The following TMEM117 variants were observed in gnomAD, a reference collection of about 807,000 sequenced individuals.
TMEM117 encodes transmembrane protein 117.
Under a neutral mutation model 52.4 loss-of-function variants are expected in TMEM117, and 27 were observed. The observed-to-expected ratio is 0.51, with a 90% CI of 0.38 to 0.71. The LOEUF is 0.71. Among genes scored for constraint, TMEM117 ranks in the 30% least tolerant of loss-of-function variants. The pLI is 0.00. For missense variants in TMEM117, 556 were observed against 630.5 expected, an observed-to-expected ratio of 0.88 and a Z score of 1.26; for synonymous variants, 215 against 206.3, an observed-to-expected ratio of 1.04 and a Z score of -0.36.
intron 3 of TMEM117, among the ~76,000 whole-genome samples, chr12:43,983,075 A>G (rs974006604): frequency 2.0e-5 from 3 of 152,224 alleles, no homozygotes; most frequent in Admixed American, 2.0e-4. Context: ...TCTGTGGGCC[A>G]GCAATTCAGG....
chr12:44,296,510 G>T (rs145545174), intron 5 of TMEM117, among the ~76,000 whole-genome samples: 73 of 152,286 alleles, frequency 4.8e-4, no homozygotes, highest in Non-Finnish European at 9.3e-4. Context: ...TTCAGCCTGA[G>T]GCCTATTTCT....
At chr12:43,865,100 G>A (rs907069520) in intron 2 of TMEM117, among the ~76,000 whole-genome samples, 2 of 152,106 alleles carry the variant, frequency 1.3e-5, no homozygotes, top group East Asian at 1.9e-4. Context: ...AAACAACTCC[G>A]GACCCGCTGC....
At chr12:43,905,249 G>A (rs1322861860) in intron 2 of TMEM117, among the ~76,000 whole-genome samples, 1 of 152,182 alleles carries the variant, frequency 6.6e-6, no homozygotes, top group African/African-American at 2.4e-5. Context: ...CTTAGAAAGG[G>A]CAGCTGCAGT....
rs941108802 is a variant in TMEM117 at position 44,363,211 on chromosome 12, C to T, written c.769-13384C>T. 3.9e-5 allele frequency among the ~76,000 whole-genome samples: 6 copies of T among 152,240 alleles called. No homozygotes were observed. In the East Asian group the frequency reaches 9.7e-4, roughly 25 times the overall value. On this transcript the variant is annotated intron_variant, in intron 6 of 7. Coordinates refer to ENST00000266534, the MANE Select transcript of TMEM117 (RefSeq NM_032256.3). ...GGTAAGGCAGGTGCCTTCTGTGAGC[C>T]ACAGTGTCTCCAATTGCAAAATGAG... is the stretch of plus-strand genomic sequence containing the variant.
downstream of TMEM117, among the ~76,000 whole-genome samples, chr12:44,394,252 G>A (rs1223151179): frequency 6.6e-6 from 1 of 152,190 alleles, no homozygotes; most frequent in African/African-American, 2.4e-5. Flanking sequence ...TCTTCACAGG[G>A]TTTCGAAGAG....
intron 3 of TMEM117, among the ~76,000 whole-genome samples, chr12:44,080,173 A>T (rs1246432946): frequency 6.6e-6 from 1 of 152,188 alleles, no homozygotes; most frequent in Non-Finnish European, 1.5e-5. Context: ...TCACACTGCT[A>T]ATAAAGACAT....
At chr12:43,841,624 A>G (rs10880574) in intron 1 of TMEM117, among the ~76,000 whole-genome samples, 8,533 of 152,278 alleles carry the variant, frequency 0.056, 276 homozygotes, top group South Asian at 0.073. Flanking sequence ...ACAACAAGAA[A>G]ATAAGTATGT....
At position 44,250,673 on chromosome 12, in the gene TMEM117, A is replaced by G. The variant is rs553162099; in HGVS notation, c.608+39286A>G. On this transcript the variant is annotated intron_variant, in intron 5 of 7. Transcript: ENST00000266534. The stretch of plus-strand genomic sequence containing the variant: ...CTATGCAGCCATGAAAAGGAATGAG[A>G]TCATGTCCTTTGCAGGGATGTGGAT... 1.1e-4 allele frequency among the ~76,000 whole-genome samples: 17 copies of G among 152,342 alleles called. 1 individual carries two copies. In the South Asian group the frequency reaches 3.5e-3, roughly 32 times the overall value.
chr12:44,177,257 A>G (rs1052941983), intron 4 of TMEM117, among the ~76,000 whole-genome samples: 6 of 152,160 alleles, frequency 3.9e-5, no homozygotes, highest in Admixed American at 3.9e-4. Context: ...CTAGATAAAA[A>G]AATTGTATGT....
chr12:44,367,570 T>C (rs547963265), intron 6 of TMEM117, among the ~76,000 whole-genome samples: 30 of 152,234 alleles, frequency 2.0e-4, no homozygotes, highest in Middle Eastern at 3.4e-3. Context: ...TTCTTGGCTT[T>C]CTATGCTCCC....
chr12:44,164,517 G>A (rs1018599296), intron 4 of TMEM117, among the ~76,000 whole-genome samples: 7 of 152,086 alleles, frequency 4.6e-5, no homozygotes, highest in African/African-American at 1.7e-4. Flanking sequence ...CTCCATTTAA[G>A]TTGTTACAAA....
At chr12:44,101,546 A>G (rs756009790) in intron 3 of TMEM117, among the ~76,000 whole-genome samples, 2 of 146,308 alleles carry the variant, frequency 1.4e-5, no homozygotes, top group Non-Finnish European at 3.1e-5. Context: ...CTTGTTGGGC[A>G]TAAGTCTCTC....
intron 6 of TMEM117, 35 bp from the exon 7 acceptor site, chr12:44,376,560 A>G (rs772401988): frequency 4.4e-6 from 7 of 1,580,900 alleles, no homozygotes; most frequent in Non-Finnish European, 6.0e-6. Flanking sequence ...GAATGAAACG[A>G]ATCACAAATG....
At chr12:44,155,240 G>T (rs1051146008) in intron 4 of TMEM117, among the ~76,000 whole-genome samples, 1 of 152,022 alleles carries the variant, frequency 6.6e-6, no homozygotes, top group Non-Finnish European at 1.5e-5. Context: ...ACTTCTTCAT[G>T]AATCTATTCA....
chr12:43,944,016 CT>C (rs2137614908), intron 2 of TMEM117, among the ~76,000 whole-genome samples, 193 bp from the exon 3 acceptor site: 1 of 152,286 alleles, frequency 6.6e-6, no homozygotes, highest in Non-Finnish European at 1.5e-5. Flanking sequence ...TGAGGATCGT[CT>C]TCGACTTTAT....
At chr12:44,180,733 T>C (rs1167799994) in intron 4 of TMEM117, among the ~76,000 whole-genome samples, 1 of 152,166 alleles carries the variant, frequency 6.6e-6, no homozygotes, top group Non-Finnish European at 1.5e-5. Flanking sequence ...GTGCCACATT[T>C]TCTTAATCCA....
chr12:43,947,116 T>C (rs1160847240), intron 3 of TMEM117, among the ~76,000 whole-genome samples: 3 of 152,172 alleles, frequency 2.0e-5, no homozygotes, highest in Non-Finnish European at 2.9e-5. Flanking sequence ...GCAGGATCAC[T>C]TAAGGCCAGA....
chr12:44,126,093 T>C (rs1258525736), intron 3 of TMEM117, among the ~76,000 whole-genome samples: 5 of 149,600 alleles, frequency 3.3e-5, no homozygotes, highest in Non-Finnish European at 5.9e-5. Context: ...TGACTTCAGG[T>C]TTTTTTTTTC....
Position 44,212,130 on chromosome 12 carries a change from A to G in TMEM117, c.608+743A>G, listed in dbSNP as rs558373153. ...CTATGGTTTTGCTTTCCCTGGTTTC[A>G]GTTACCCTTGGTCGACTGCAGTCTG... is the stretch of plus-strand genomic sequence containing the variant. On this transcript the variant is annotated intron_variant, in intron 5 of 7. Coordinates refer to ENST00000266534, the MANE Select transcript of TMEM117 (RefSeq NM_032256.3). Among the ~76,000 whole-genome samples, 7 of 152,294 alleles carry G rather than the reference A, an allele frequency of 4.6e-5. No individual in the cohort carries two copies. The South Asian group carries it at 1.4e-3, about 32-fold the overall frequency.
Sources: gnomAD v4.1 joint callset for allele counts (sites outside exome capture counted in the v4.1 genomes callset) on GRCh38, gnomAD v4.1.1 for gene constraint, MANE v1.5 for transcripts, NCBI Gene and HGNC (gene_info 2026-07-23, HGNC 2026-07-21) for gene names.